Variants in ELP3 observed in about 807,000 individuals in gnomAD.
The protein encoded by ELP3 is elongator acetyltransferase complex subunit 3, also known as elongator complex protein 3.
In ELP3, 56 loss-of-function variants were observed where a neutral mutation model predicts 74.9. The ratio of observed to expected loss-of-function variants is 0.75; its 90% CI spans 0.60 to 0.93. ELP3 has a LOEUF of 0.93. Among genes scored for constraint, ELP3 ranks in the 40% least tolerant of loss-of-function variants. The probability of loss-of-function intolerance (pLI) is 0.00; values close to 1 mark genes in which losing one functional copy is unlikely to be tolerated. For missense variants in ELP3, 573 were observed against 686.5 expected (o/e 0.83, Z 1.85); for synonymous variants, 222 against 239.8 (o/e 0.93, Z 0.68).
chr8:28,099,796 A>G (rs2290371), intron 2 of ELP3, 32 bp from the exon 3 acceptor site: 506,595 of 1,611,750 alleles, frequency 0.31, 80,964 homozygotes, highest in South Asian at 0.34. Flanking sequence ...AAATAACCGT[A>G]ATCTTGATAA....
At chr8:28,186,006 A>G (rs75901411) in intron 14 of ELP3, among the ~76,000 whole-genome samples, 1,656 of 152,330 alleles carry the variant, frequency 0.011, 31 homozygotes, top group African/African-American at 0.037. Flanking sequence ...AGTAACAGAA[A>G]ACTCAGCTCA....
At chr8:28,098,203 A>AT (rs139059025) in intron 2 of ELP3, among the ~76,000 whole-genome samples, 116 of 147,550 alleles carry the variant, frequency 7.9e-4, no homozygotes, top group African/African-American at 2.6e-3. Context: ...CTCTGCATCT[A>AT]TTTTTTTTTT....
chr8:28,104,888 C>T (rs1422654476), intron 3 of ELP3, among the ~76,000 whole-genome samples: 8 of 152,220 alleles, frequency 5.3e-5, no homozygotes, highest in Admixed American at 3.9e-4. Flanking sequence ...TGTTTCTCAT[C>T]ACGTACCCAG....
rs138416818 is a variant in ELP3 at position 28,176,663 on chromosome 8, AT to A, written c.1568-12985del. On this transcript the variant is annotated intron_variant, in intron 14 of 14. Transcript: ENST00000256398. ...AATCGTCGTTTTAGCAGAAGGATGAATCTCTGAAAATTCCTACCTTGCCATT... is the reference window on the plus strand; with the variant it reads ...AATCGTCGTTTTAGCAGAAGGATGAACTCTGAAAATTCCTACCTTGCCATT... 9.4e-3 allele frequency among the ~76,000 whole-genome samples: 1,424 copies of A among 152,296 alleles called. 25 individuals carry two copies. The highest frequency in any genetic ancestry group is 0.032 in the African/African-American group (1,321 of 41,562).
upstream of ELP3, chr8:28,093,071 A>C (rs947027484): frequency 9.5e-6 from 13 of 1,374,496 alleles, no homozygotes; most frequent in Admixed American, 1.6e-4. Flanking sequence ...GGCTTTGTGC[A>C]CGTCGGCTTC....
rs578260450 is a variant in ELP3, at chr8:28,134,959, C to T, written c.906+2555C>T. Among the ~76,000 whole-genome samples, 8 of 151,238 alleles carry T rather than the reference C, an allele frequency of 5.3e-5. No homozygotes were observed. In the East Asian group the frequency reaches 1.4e-3, roughly 26 times the overall value. Reference sequence around the variant, plus strand: ...TTTTTTTTTCCTTGAGACGGAGTCTCGCACTGTCATTCAGGCTGGAGTGCA... The same window carrying T: ...TTTTTTTTTCCTTGAGACGGAGTCTTGCACTGTCATTCAGGCTGGAGTGCA... On this transcript the variant is annotated intron_variant, in intron 9 of 14. Transcript: ENST00000256398.
At chr8:28,131,674 T>C (rs1416674920) in intron 8 of ELP3, among the ~76,000 whole-genome samples, 1 of 152,204 alleles carries the variant, frequency 6.6e-6, no homozygotes, top group African/African-American at 2.4e-5. Flanking sequence ...GGCTCTAGAA[T>C]GCCAAGTTAA....
At chr8:28,091,192 C>T (rs1811043009), upstream of ELP3, among the ~76,000 whole-genome samples, 1 of 152,068 alleles carries the variant, frequency 6.6e-6, no homozygotes, top group Non-Finnish European at 1.5e-5. Flanking sequence ...AGGCATGAGC[C>T]ACCGCGCCCG....
rs1814021685 is a variant in ELP3, at chr8:28,160,336, G to A, written c.1365G>A (p.Lys455=). The change falls in exon 13 of 15, where the codon AAG becomes AAA. Residue 455 remains lysine (K), a synonymous_variant. Transcript: ENST00000256398. ...TGATTGGCCTCCTACGATTACGCAAGTGTTCAGAAGAAACTTTCCGTTTCG... is the reference window on the plus strand; with the variant it reads ...TGATTGGCCTCCTACGATTACGCAAATGTTCAGAAGAAACTTTCCGTTTCG... ...DILIGLLRLR[K]CSEETFRFEL... 3 of 1,614,062 alleles carry A rather than the reference G, an allele frequency of 1.9e-6. No homozygotes were observed. Among genetic ancestry groups the A allele is most frequent in the Non-Finnish European group, 2.5e-6 (3 of 1,180,036 alleles).
At chr8:28,153,484 G>T (rs938834295) in intron 10 of ELP3, among the ~76,000 whole-genome samples, 13 of 152,196 alleles carry the variant, frequency 8.5e-5, no homozygotes, top group African/African-American at 2.9e-4. Context: ...GCATGAAGTT[G>T]TGCATATGAA....
rs760016336 is a variant in ELP3 at position 28,137,842 on chromosome 8, C to T, written c.1051C>T (p.Arg351Trp). ...SPSDLVELVA[R>W]ILALVPPWTR... is the part of the protein sequence containing the mutation. ...TAGTGACCTGGTTGAATTGGTGGCTCGGATCCTAGCCCTCGTGCCTCCATG... is the reference window on the plus strand; with the variant it reads ...TAGTGACCTGGTTGAATTGGTGGCTTGGATCCTAGCCCTCGTGCCTCCATG... The change falls in exon 10 of 15, where the codon CGG (arginine) becomes TGG (tryptophan). Residue 351 changes from arginine to tryptophan, a missense_variant. Physicochemically the swap from Arg to Trp is moderately radical, Grantham distance 101. Coordinates refer to ENST00000256398, the MANE Select transcript of ELP3 (RefSeq NM_018091.6). The T allele has an allele frequency of 1.4e-5, 22 of 1,613,682 alleles. No homozygotes were observed. The highest frequency in any genetic ancestry group is 8.0e-5 in the African/African-American group (6 of 74,872).
In ELP3 at chr8:28,190,441, A is replaced by T. The variant is rs1168568027; in HGVS notation, c.*716A>T. On this transcript the variant is annotated 3_prime_UTR_variant, in exon 15 of 15. Coordinates refer to ENST00000256398, the MANE Select transcript of ELP3 (RefSeq NM_018091.6). ...CTTCCCACCCTCTTGGCAACTACAG[A>T]GCAGTGTGGGCAGCCCCAAGTGTGG... is the stretch of plus-strand genomic sequence containing the variant. The T allele has an allele frequency of 6.6e-6, 1 of 152,128 alleles. No individual in the cohort carries two copies. The allele number at this position is 152,128 out of a possible 1,614,324, so 9.4% of individuals were successfully genotyped here.
intron 3 of ELP3, among the ~76,000 whole-genome samples, chr8:28,100,756 T>A (rs972781564): frequency 6.6e-6 from 1 of 152,228 alleles, no homozygotes; most frequent in Non-Finnish European, 1.5e-5. Flanking sequence ...AAAGACTAGC[T>A]TAGATGCTCT....
At chr8:28,092,533 C>G (rs747295061), upstream of ELP3, among the ~76,000 whole-genome samples, 1 of 152,130 alleles carries the variant, frequency 6.6e-6, no homozygotes, top group East Asian at 1.9e-4. Context: ...CCACTGCGCC[C>G]GGCCCTAAGC....
At chr8:28,169,854 C>T (rs1443619365) in intron 14 of ELP3, among the ~76,000 whole-genome samples, 1 of 152,062 alleles carries the variant, frequency 6.6e-6, no homozygotes, top group African/African-American at 2.4e-5. Context: ...TGGCAGGCAT[C>T]GGTTCCTCAC....
chr8:28,110,440 T>C lies in ELP3; in HGVS notation c.462+2T>C, dbSNP rs1317051890. On this transcript the variant is annotated splice_donor_variant, in intron 6 of 14. Coordinates refer to ENST00000256398, the MANE Select transcript of ELP3 (RefSeq NM_018091.6). LOFTEE classifies it high-confidence loss of function. Reference sequence around the variant, plus strand: ...CAGACAAGACACCGAATAGAACAGGTACATTTTTAAAAAACATGTTTCTTA... The same window carrying C: ...CAGACAAGACACCGAATAGAACAGGCACATTTTTAAAAAACATGTTTCTTA... 1.2e-6 allele frequency: 2 copies of C among 1,607,906 alleles called. No homozygotes were observed. The highest frequency in any genetic ancestry group is 2.2e-5 in the East Asian group (1 of 44,810).
chr8:28,132,425 G>T, intron 9 of ELP3, 21 bp downstream of exon 9: 3 of 1,613,866 alleles, frequency 1.9e-6, no homozygotes, highest in African/African-American at 2.7e-5. Context: ...CTTCAGCCAG[G>T]CGCATTCAGA....
At chr8:28,119,153 T>G (rs1418575176) in intron 7 of ELP3, 2 of 152,250 alleles carry the variant, frequency 1.3e-5, no homozygotes, top group African/African-American at 4.8e-5. Context: ...CTTTTTCTAT[T>G]GACCATTTTA....
chr8:28,116,211 GA>G (rs1282024141), intron 7 of ELP3, among the ~76,000 whole-genome samples: 1 of 152,160 alleles, frequency 6.6e-6, no homozygotes, highest in Non-Finnish European at 1.5e-5. Context: ...GAAAAGAAGA[GA>G]GGAGCTTTTT....
Sources: gnomAD v4.1 joint callset for allele counts (sites outside exome capture counted in the v4.1 genomes callset) on GRCh38, gnomAD v4.1.1 for gene constraint, MANE v1.5 for transcripts, NCBI Gene and HGNC (gene_info 2026-07-23, HGNC 2026-07-21) for gene names.